DCTN6: variants seen among roughly 807,000 people sequenced by gnomAD.
DCTN6 encodes dynactin 6.
A neutral mutation model predicts 25.8 loss-of-function variants in DCTN6; 15 were observed. That is an observed-to-expected ratio of 0.58 (90% CI 0.39 to 0.89). The LOEUF (loss-of-function observed/expected upper bound fraction) is 0.89, where lower values mean the gene tolerates loss of function less well. Among genes scored for constraint, DCTN6 ranks in the 40% least tolerant of loss-of-function variants. DCTN6 has a pLI of 0.00. For missense variants in DCTN6, 198 were observed against 237.6 expected (o/e 0.83, Z 1.09); for synonymous variants, 64 against 78.3 (o/e 0.82, Z 0.96).
intron 2 of DCTN6, among the ~76,000 whole-genome samples, chr8:30,164,669 A>C (rs1803642024): frequency 6.6e-6 from 1 of 152,228 alleles, no homozygotes; most frequent in Non-Finnish European, 1.5e-5. Context: ...GTTCGGCTGC[A>C]TGTAGGGGTG....
intron 2 of DCTN6, among the ~76,000 whole-genome samples, chr8:30,166,559 G>GT (rs35782300): frequency 2.0e-5 from 3 of 152,158 alleles, no homozygotes; most frequent in Middle Eastern, 6.8e-3. Context: ...GTGGTGGGGG[G>GT]GGTATGTATT....
At chr8:30,168,316 A>G (rs187091294) in intron 2 of DCTN6, among the ~76,000 whole-genome samples, 1 of 151,938 alleles carries the variant, frequency 6.6e-6, no homozygotes, top group Non-Finnish European at 1.5e-5. Flanking sequence ...TGTCATTGTT[A>G]TATTTGGTAT....
intron 3 of DCTN6, 147 bp from the exon 4 acceptor site, chr8:30,176,979 G>T: frequency 5.0e-6 from 3 of 595,822 alleles, no homozygotes; most frequent in Non-Finnish European, 8.7e-6. Flanking sequence ...TATCAAAAAA[G>T]AAAGAAAAAA....
intron 1 of DCTN6, among the ~76,000 whole-genome samples, chr8:30,162,164 A>T (rs1585498715): frequency 6.6e-6 from 1 of 151,782 alleles, no homozygotes; most frequent in East Asian, 1.9e-4. Flanking sequence ...ACCTCGGCTC[A>T]CTGCAAGCTC....
intron 2 of DCTN6, among the ~76,000 whole-genome samples, chr8:30,170,958 G>A (rs1475416531): frequency 1.3e-5 from 2 of 151,972 alleles, no homozygotes; most frequent in South Asian, 2.1e-4. Flanking sequence ...AAAAATGTGT[G>A]CTTCTGGTAT....
chr8:30,176,548 A>G (rs1803837925), intron 3 of DCTN6: 1 of 152,238 alleles, frequency 6.6e-6, no homozygotes, highest in African/African-American at 2.4e-5. Context: ...AAAAATAAAA[A>G]ATAAAAAAAT....
chr8:30,164,798 A>G (rs1201219339), intron 2 of DCTN6, among the ~76,000 whole-genome samples: 1 of 152,232 alleles, frequency 6.6e-6, no homozygotes, highest in African/African-American at 2.4e-5. Context: ...AGTGATGGCT[A>G]GAGCACCAAG....
chr8:30,170,626 T>C (rs1446158164), intron 2 of DCTN6, among the ~76,000 whole-genome samples: 2 of 152,080 alleles, frequency 1.3e-5, no homozygotes, highest in Non-Finnish European at 2.9e-5. Flanking sequence ...AGACATCTTA[T>C]GGGACTTGGG....
intron 2 of DCTN6, among the ~76,000 whole-genome samples, chr8:30,165,313 T>C (rs1803650746): frequency 6.6e-6 from 1 of 152,186 alleles, no homozygotes; most frequent in Non-Finnish European, 1.5e-5. Flanking sequence ...TGTAGTTTTA[T>C]TGGTGTGAGC....
intron 2 of DCTN6, among the ~76,000 whole-genome samples, chr8:30,170,768 A>G (rs1410791373): frequency 3.3e-5 from 5 of 151,722 alleles, no homozygotes; most frequent in African/African-American, 9.7e-5. Flanking sequence ...CAGCCTCCCA[A>G]TAGCTGGGAT....
intron 5 of DCTN6, 98 bp from the exon 6 acceptor site, chr8:30,180,390 G>T (rs191274774): frequency 5.5e-6 from 8 of 1,467,696 alleles, no homozygotes; most frequent in Non-Finnish European, 7.3e-6. Context: ...TTTTTCTTGA[G>T]GCCAGTTTAC....
At chr8:30,181,820 G>C (rs558870618) in intron 6 of DCTN6, among the ~76,000 whole-genome samples, 9 of 151,432 alleles carry the variant, frequency 5.9e-5, no homozygotes, top group Admixed American at 4.6e-4. Flanking sequence ...AGCCCAGGAG[G>C]TCAGGGCTGC....
chr8:30,168,549 A>AT lies in DCTN6; in HGVS notation c.88+4381dup, dbSNP rs1194644858. ...CAATAAACTGTTGTTTAATTCATAG[A>AT]TTTTTTTCAGGATGTTTTGTGTAAT... On this transcript the variant is annotated intron_variant, in intron 2 of 6. Transcript: ENST00000221114. Among the ~76,000 whole-genome samples the AT allele has an allele frequency of 6.6e-5, 10 of 152,094 alleles. No homozygotes were observed. In the South Asian group the frequency reaches 2.1e-3, roughly 32 times the overall value.
chr8:30,179,446 G>T lies in DCTN6; in HGVS notation c.322G>T (p.Glu108Ter). 2 of 1,612,246 alleles carry T rather than the reference G, an allele frequency of 1.2e-6. No individual in the cohort carries two copies. Among genetic ancestry groups the T allele is most frequent in the Non-Finnish European group, 1.7e-6 (2 of 1,179,142 alleles). Reference sequence around the variant, plus strand: ...GAAGATGGGAGATAATAATGTCATTGAATCAAAAGGTAAGCTACATTCAGA... The same window carrying T: ...GAAGATGGGAGATAATAATGTCATTTAATCAAAAGGTAAGCTACATTCAGA... ...AMKMGDNNVI[E>*]SKAYVGRNVI... Residue 108 changes from glutamate to a stop codon, truncating the protein, a stop_gained, in exon 5 of 7, where the codon GAA becomes TAA. Coordinates refer to ENST00000221114, the MANE Select transcript of DCTN6 (RefSeq NM_006571.4). LOFTEE classifies it high-confidence loss of function.
At chr8:30,162,039 G>T (rs533126289) in intron 1 of DCTN6, among the ~76,000 whole-genome samples, 6 of 151,924 alleles carry the variant, frequency 3.9e-5, no homozygotes, top group Admixed American at 3.9e-4. Flanking sequence ...GAGCCACCAC[G>T]CCCAGCCTTA....
chr8:30,179,977 A>G (rs1296940470), intron 5 of DCTN6, among the ~76,000 whole-genome samples: 1 of 152,232 alleles, frequency 6.6e-6, no homozygotes, highest in South Asian at 2.1e-4. Flanking sequence ...ACAATTCTTT[A>G]GAATAGTGGG....
intron 3 of DCTN6, among the ~76,000 whole-genome samples, chr8:30,175,483 C>T (rs1298031358): frequency 2.6e-5 from 4 of 151,686 alleles, no homozygotes; most frequent in Admixed American, 6.6e-5. Flanking sequence ...AAACATTTCC[C>T]GAACACTTCA....
rs966174227 is a variant in DCTN6 at position 30,177,205 on chromosome 8, G to T, written c.274G>T (p.Val92Phe). The T allele has an allele frequency of 1.2e-6, 2 of 1,613,264 alleles. No individual in the cohort carries two copies. The highest frequency in any genetic ancestry group is 1.7e-6 in the Non-Finnish European group (2 of 1,179,428). ...CATTGGCACCAATAATGTGTTTGAA[G>T]TTGGCTGTTGTATCCTTTACAATAA... Reference protein sequence around the residue: ...MIIGTNNVFEVGCYSQAMKMG... With the variant: ...MIIGTNNVFEFGCYSQAMKMG... The change falls in exon 4 of 7, where the codon GTT (valine) becomes TTT (phenylalanine). Residue 92 changes from valine (V) to phenylalanine (F), a missense_variant. Coordinates refer to ENST00000221114, the MANE Select transcript of DCTN6 (RefSeq NM_006571.4).
chr8:30,175,283 A>G, intron 3 of DCTN6, 93 bp downstream of exon 3: 2 of 1,046,028 alleles, frequency 1.9e-6, no homozygotes, highest in Non-Finnish European at 2.8e-6. Context: ...GCTGACATCC[A>G]GGAGGCCTAC....
Sources: allele counts gnomAD v4.1 joint callset (sites outside exome capture counted in the v4.1 genomes callset), GRCh38; gene constraint gnomAD v4.1.1; transcripts MANE v1.5; gene names NCBI Gene and HGNC (gene_info 2026-07-23, HGNC 2026-07-21).